Variants in SDK1 observed in about 807,000 individuals in gnomAD.
SDK1 encodes the protein protein sidekick-1.
A neutral mutation model predicts 245.5 loss-of-function variants in SDK1; 157 were observed. That is an observed-to-expected ratio of 0.64 (90% CI 0.56 to 0.73). The LOEUF (loss-of-function observed/expected upper bound fraction) is 0.73, where lower values mean the gene tolerates loss of function less well. Ranked by LOEUF, SDK1 falls within the 30% of genes least tolerant of loss-of-function variation. The pLI is 0.00. For synonymous variants in SDK1, 1,647 were observed against 1,278.5 expected (o/e 1.29, Z -6.15); for missense variants, 3,583 against 3,002.3 (o/e 1.19, Z -4.52).
At chr7:4,127,291 G>T in intron 25 of SDK1, 90 bp from the exon 26 acceptor site, 1 of 970,424 alleles carries the variant, frequency 1.0e-6, no homozygotes, top group Non-Finnish European at 1.7e-6. Flanking sequence ...GCTATTTCAA[G>T]GACAACTTGA....
At chr7:3,935,103 T>G (rs1780110957) in intron 5 of SDK1, among the ~76,000 whole-genome samples, 1 of 152,166 alleles carries the variant, frequency 6.6e-6, no homozygotes, top group Non-Finnish European at 1.5e-5. Context: ...AGAATGGCCT[T>G]TGGTAGGAAC....
intron 44 of SDK1, among the ~76,000 whole-genome samples, chr7:4,255,129 A>T (rs975511841): frequency 6.6e-6 from 1 of 152,180 alleles, no homozygotes; most frequent in African/African-American, 2.4e-5. Flanking sequence ...TTAGCTTCAG[A>T]AGTCTCTTTT....
intron 13 of SDK1, among the ~76,000 whole-genome samples, chr7:3,981,192 C>T (rs905604107): frequency 8.5e-5 from 13 of 152,140 alleles, no homozygotes; most frequent in African/African-American, 2.9e-4. Context: ...TCTGTGATGG[C>T]ACTCCCTGAT....
rs962402000 is a variant in SDK1 at position 3,798,230 on chromosome 7, T to C, written c.714-23220T>C. 1.1e-3 allele frequency among the ~76,000 whole-genome samples: 168 copies of C among 147,294 alleles called. 1 individual carries two copies. Among genetic ancestry groups the C allele is most frequent in the African/African-American group, 4.1e-3 (163 of 39,692 alleles). Reference sequence around the variant, plus strand: ...GGCACTCTTTTTTTTTTTTTTTTTTTTTTTTGAGACAGATTCTGTCTCTTT... The same window carrying C: ...GGCACTCTTTTTTTTTTTTTTTTTTCTTTTTGAGACAGATTCTGTCTCTTT... On this transcript the variant is annotated intron_variant, in intron 4 of 44. Coordinates refer to ENST00000404826, the MANE Select transcript of SDK1 (RefSeq NM_152744.4).
At chr7:4,161,914 T>G in intron 32 of SDK1, 58 bp downstream of exon 32, 1 of 1,467,012 alleles carries the variant, frequency 6.8e-7, no homozygotes, top group Non-Finnish European at 9.6e-7. Flanking sequence ...TCCCTGCGCA[T>G]TCAGCCACAA....
At chr7:3,891,185 C>T (rs1363815647) in intron 5 of SDK1, among the ~76,000 whole-genome samples, 2 of 152,174 alleles carry the variant, frequency 1.3e-5, no homozygotes, top group African/African-American at 2.4e-5. Context: ...CCACAGTCCA[C>T]AGCAGTCCTA....
chr7:3,438,180 T>A (rs1157879654), intron 1 of SDK1, among the ~76,000 whole-genome samples: 1 of 152,174 alleles, frequency 6.6e-6, no homozygotes, highest in Non-Finnish European at 1.5e-5. Flanking sequence ...TTCATTTTAT[T>A]TTATGTATCA....
At chr7:3,937,583 G>A (rs1025473837) in intron 5 of SDK1, among the ~76,000 whole-genome samples, 19 of 152,188 alleles carry the variant, frequency 1.2e-4, no homozygotes, top group African/African-American at 4.1e-4. Context: ...TTCGCTGGAC[G>A]GATCTAAGAA....
At chr7:3,679,760 C>T (rs974567764) in intron 4 of SDK1, among the ~76,000 whole-genome samples, 3 of 152,140 alleles carry the variant, frequency 2.0e-5, no homozygotes, top group Admixed American at 6.5e-5. Flanking sequence ...ACATCAAATA[C>T]GTCGAGATGT....
At chr7:3,433,804 C>T (rs1045246979) in intron 1 of SDK1, among the ~76,000 whole-genome samples, 1 of 152,072 alleles carries the variant, frequency 6.6e-6, no homozygotes, top group African/African-American at 2.4e-5. Flanking sequence ...GAACATGGCT[C>T]TTGTAAATCA....
chr7:3,960,370 C>T (rs745623589), intron 8 of SDK1, among the ~76,000 whole-genome samples: 9 of 152,262 alleles, frequency 5.9e-5, no homozygotes, highest in Non-Finnish European at 1.3e-4. Flanking sequence ...AAGCAGCCAC[C>T]TGGCTCTTGC....
At chr7:3,537,413 G>C (rs1778919418) in intron 1 of SDK1, among the ~76,000 whole-genome samples, 1 of 152,156 alleles carries the variant, frequency 6.6e-6, no homozygotes, top group African/African-American at 2.4e-5. Flanking sequence ...CCCTAATCCT[G>C]TGTGTGCCGC....
chr7:4,209,694 C>G (rs1033214405), intron 37 of SDK1, among the ~76,000 whole-genome samples: 1 of 152,188 alleles, frequency 6.6e-6, no homozygotes, highest in African/African-American at 2.4e-5. Flanking sequence ...TGGAATCCTC[C>G]AGCAGTTGCT....
chr7:3,587,611 C>T lies in SDK1; in HGVS notation c.299-31469C>T, dbSNP rs936225412. Among the ~76,000 whole-genome samples the T allele has an allele frequency of 9.2e-5, 14 of 152,194 alleles. 1 individual carries two copies. Among genetic ancestry groups the T allele is most frequent in the Admixed American group, 8.5e-4 (13 of 15,274 alleles). On this transcript the variant is annotated intron_variant, in intron 1 of 44. Coordinates refer to ENST00000404826, the MANE Select transcript of SDK1 (RefSeq NM_152744.4). ...CTTTTTCAGCCCCCAATGGACTGGACGATCCCTACCTACATCGGGGATGGC... is the reference window on the plus strand; with the variant it reads ...CTTTTTCAGCCCCCAATGGACTGGATGATCCCTACCTACATCGGGGATGGC...
chr7:3,938,513 G>A (rs1319654585), intron 5 of SDK1, among the ~76,000 whole-genome samples: 1 of 152,044 alleles, frequency 6.6e-6, no homozygotes, highest in Non-Finnish European at 1.5e-5. Flanking sequence ...GGGCGTGGTG[G>A]CAGGCACCAG....
intron 22 of SDK1, among the ~76,000 whole-genome samples, chr7:4,090,727 T>G (rs1048071802): frequency 1.3e-5 from 2 of 152,154 alleles, no homozygotes; most frequent in African/African-American, 4.8e-5. Context: ...GAAACCAAGA[T>G]CCAGGCAGTA....
intron 1 of SDK1, among the ~76,000 whole-genome samples, chr7:3,454,606 AACCTTTTGG>A (rs1780619252): frequency 6.6e-6 from 1 of 152,158 alleles, no homozygotes; most frequent in Non-Finnish European, 1.5e-5. Flanking sequence ...TACGGTATGT[AACCTTTTGG>A]GATTTGCTGC....
chr7:4,139,633 A>G (rs375978558), intron 28 of SDK1, among the ~76,000 whole-genome samples: 5 of 24,090 alleles, frequency 2.1e-4, no homozygotes, highest in Admixed American at 4.0e-4. Context: ...GTGTATATGT[A>G]TATATGTGTG....
intron 5 of SDK1, among the ~76,000 whole-genome samples, chr7:3,842,863 A>G (rs377742478): frequency 1.6e-3 from 239 of 152,248 alleles, no homozygotes; most frequent in Non-Finnish European, 2.3e-3. Flanking sequence ...CACAGAGTCA[A>G]GACATTTACT....
Sources: gnomAD v4.1 joint callset for allele counts (sites outside exome capture counted in the v4.1 genomes callset) on GRCh38, gnomAD v4.1.1 for gene constraint, MANE v1.5 for transcripts, NCBI Gene and HGNC (gene_info 2026-07-23, HGNC 2026-07-21) for gene names.